Variants in FAM86B1 observed in about 807,000 individuals in gnomAD.
The protein encoded by FAM86B1 is family with sequence similarity 86 member B1 (gene/pseudogene).
For missense variants in FAM86B1, 13 were observed against 328.1 expected, an observed-to-expected ratio of 0.04 and a Z score of 7.42; for synonymous variants, 4 against 137.6, an observed-to-expected ratio of 0.03 and a Z score of 6.79.
intron 1 of FAM86B1, among the ~76,000 whole-genome samples, chr8:12,193,374 G>A (rs1300245234): frequency 3.5e-5 from 5 of 141,978 alleles, no homozygotes; most frequent in Admixed American, 2.0e-4. Flanking sequence ...AATGGAACGG[G>A]GTGCATTAAG....
intron 3 of FAM86B1, chr8:12,188,056 G>C (rs1334288590): frequency 1.2e-6 from 1 of 867,688 alleles, no homozygotes; most frequent in East Asian, 3.3e-5. Context: ...GGGGGAGGAG[G>C]GTGCCTTTCT....
At position 12,183,124 on chromosome 8, in the gene FAM86B1, AGG is replaced by A. The variant is rs1563184613; in HGVS notation, c.*480_*481del. The A allele has an allele frequency of 1.4e-4, 31 of 229,132 alleles. No individual in the cohort carries two copies. The highest frequency in any genetic ancestry group is 8.0e-4 in the African/African-American group (29 of 36,230). 14.2% of individuals were successfully genotyped at this position (229,132 alleles called of 1,614,324 possible). A position where few individuals can be genotyped will look rare whatever the true frequency, so the allele number is the denominator to read the frequency against. On this transcript the variant is annotated 3_prime_UTR_variant, in exon 7 of 7. Coordinates refer to ENST00000448228, the MANE Select transcript of FAM86B1 (RefSeq NM_001083537.4). ...CAGCTGCAGCGGGCTTGGCTTTGTG[AGG>A]AACCGAGTGTGTCCAGGGATGTGGC... is the stretch of plus-strand genomic sequence containing the variant.
upstream of FAM86B1, chr8:12,194,922 C>G (rs1461417929): frequency 6.6e-6 from 1 of 151,464 alleles, no homozygotes; most frequent in Non-Finnish European, 1.4e-5. Flanking sequence ...TGAGGCAGGC[C>G]CAGGAGCGAG....
intron 1 of FAM86B1, among the ~76,000 whole-genome samples, chr8:12,193,173 T>C (rs1254954694): frequency 1.6e-3 from 235 of 144,344 alleles, no homozygotes; most frequent in Admixed American, 0.014. Flanking sequence ...ATGATGCTTT[T>C]ATGAAGGTTT....
chr8:12,194,293 C>T (rs1807484075), upstream of FAM86B1, among the ~76,000 whole-genome samples: 1 of 147,564 alleles, frequency 6.8e-6, no homozygotes, highest in Admixed American at 6.6e-5. Flanking sequence ...CGGGGCAGGT[C>T]CTGGGTAGAG....
At position 12,182,503 on chromosome 8, in the gene FAM86B1, C is replaced by G; in HGVS notation, c.*1103G>C. 2 of 1,421,396 alleles carry G rather than the reference C, an allele frequency of 1.4e-6. No homozygotes were observed. Among genetic ancestry groups the G allele is most frequent in the Non-Finnish European group, 1.9e-6 (2 of 1,043,140 alleles). 88.0% of individuals were successfully genotyped at this position (1,421,396 alleles called of 1,614,324 possible). On this transcript the variant is annotated 3_prime_UTR_variant, in exon 7 of 7. Transcript: ENST00000448228. ...GACTTGGGAGGGGTTGTTGTTGGGT[C>G]GGGGACCTGGGGTCATCCAAGTGGT...
rs1805201368 is a variant in FAM86B1, at chr8:12,183,161, GGGC to G, written c.*442_*444del. 1 of 102,548 alleles carries G rather than the reference GGGC, an allele frequency of 9.8e-6. No individual in the cohort carries two copies. The highest frequency in any genetic ancestry group is 1.2e-4 in the Admixed American group (1 of 8,356). 6.4% of individuals were successfully genotyped at this position (102,548 alleles called of 1,614,324 possible). ...TGTCCAGGGATGTGGCAGCTGCAGC[GGGC>G]TTGGCTTTGTGAGGAACCGAGTGTG... On this transcript the variant is annotated 3_prime_UTR_variant, in exon 7 of 7. Coordinates refer to ENST00000448228, the MANE Select transcript of FAM86B1 (RefSeq NM_001083537.4).
chr8:12,184,114 G>C lies in FAM86B1; in HGVS notation c.791-408C>G, dbSNP rs966350929. Reference sequence around the variant, plus strand: ...GGTTGAGGCTTATACTATGTGTGCTGCTTGGCACTGTTTTTTTCACTTAAA... The same window carrying C: ...GGTTGAGGCTTATACTATGTGTGCTCCTTGGCACTGTTTTTTTCACTTAAA... On this transcript the variant is annotated intron_variant, in intron 6 of 6. Coordinates refer to ENST00000448228, the MANE Select transcript of FAM86B1 (RefSeq NM_001083537.4). 3.5e-5 allele frequency among the ~76,000 whole-genome samples: 2 copies of C among 57,318 alleles called. 1 individual carries two copies. The highest frequency in any genetic ancestry group is 6.0e-5 in the Non-Finnish European group (2 of 33,548). 37.6% of individuals were successfully genotyped at this position (57,318 alleles called of 152,430 possible). A position where few individuals can be genotyped will look rare whatever the true frequency, so the allele number is the denominator to read the frequency against.
At position 12,182,463 on chromosome 8, in the gene FAM86B1, A is replaced by C. The variant is rs1489422243; in HGVS notation, c.*1143T>G. On this transcript the variant is annotated 3_prime_UTR_variant, in exon 7 of 7. Coordinates refer to ENST00000448228, the MANE Select transcript of FAM86B1 (RefSeq NM_001083537.4). The stretch of plus-strand genomic sequence containing the variant: ...GGGGTTGTGAAGGGTCTCAAGTCCA[A>C]GTGAGGGAGTTAGGGACTTGGGAGG... 1.6e-6 allele frequency: 2 copies of C among 1,261,032 alleles called. No homozygotes were observed. Among genetic ancestry groups the C allele is most frequent in the African/African-American group, 3.1e-5 (2 of 64,450 alleles). The allele number at this position is 1,261,032 out of a possible 1,614,324, so 78.1% of individuals were successfully genotyped here. A position where few individuals can be genotyped will look rare whatever the true frequency, so the allele number is the denominator to read the frequency against.
At chr8:12,194,242 TA>T (rs1807477286), upstream of FAM86B1, 4 of 972,088 alleles carry the variant, frequency 4.1e-6, no homozygotes, top group Admixed American at 2.2e-5. Context: ...AGATGAGCGT[TA>T]GGAGGGCGGG....
chr8:12,194,811 C>A (rs1807551836), upstream of FAM86B1: 2 of 151,120 alleles, frequency 1.3e-5, no homozygotes, highest in African/African-American at 5.3e-5. Context: ...TGGGGCGGGG[C>A]CGAGACGGAG....
At chr8:12,194,484 G>T (rs1405957292), upstream of FAM86B1, 1 of 342,398 alleles carries the variant, frequency 2.9e-6, no homozygotes, top group African/African-American at 2.7e-5. Context: ...GGGACCCAGA[G>T]CAGAGCCCAG....
In FAM86B1 at chr8:12,189,257, TATAAATAAATAAATAAATAA is replaced by T. The variant is rs777926231; in HGVS notation, c.240+531_240+550del. Among the ~76,000 whole-genome samples the T allele has an allele frequency of 3.4e-3, 280 of 82,490 alleles. 1 individual carries two copies. Among genetic ancestry groups the T allele is most frequent in the African/African-American group, 0.015 (258 of 17,290 alleles). 54.1% of individuals were successfully genotyped at this position (82,490 alleles called of 152,430 possible). Reference sequence around the variant, plus strand: ...GTGAGACTCTGTCTCAAAAAAAATATATAAATAAATAAATAAATAAATAAATAAATAAATAAATAAATAAG... The same window carrying T: ...GTGAGACTCTGTCTCAAAAAAAATATATAAATAAATAAATAAATAAATAAG... On this transcript the variant is annotated intron_variant, in intron 3 of 6. Coordinates refer to ENST00000448228, the MANE Select transcript of FAM86B1 (RefSeq NM_001083537.4).
rs1805237996 is a variant in FAM86B1, at chr8:12,183,342, A to C, written c.*264T>G. The C allele has an allele frequency of 1.8e-6, 1 of 541,176 alleles. No homozygotes were observed. The highest frequency in any genetic ancestry group is 1.9e-5 in the African/African-American group (1 of 52,482). 33.5% of individuals were successfully genotyped at this position (541,176 alleles called of 1,614,324 possible). ...TTGATACACACGTTTTTATTTGCAGAAAGAAAATGCTATTTTTGGAGCTAG... is the reference window on the plus strand; with the variant it reads ...TTGATACACACGTTTTTATTTGCAGCAAGAAAATGCTATTTTTGGAGCTAG... On this transcript the variant is annotated 3_prime_UTR_variant, in exon 7 of 7. Transcript: ENST00000448228.
chr8:12,192,858 C>T (rs1273398533), intron 1 of FAM86B1, among the ~76,000 whole-genome samples: 25 of 148,874 alleles, frequency 1.7e-4, no homozygotes, highest in African/African-American at 5.4e-4. Flanking sequence ...TTGTACTCAA[C>T]GCTGAGAACA....
intron 3 of FAM86B1, among the ~76,000 whole-genome samples, chr8:12,187,512 A>T (rs1585224305): frequency 5.3e-4 from 1 of 1,884 alleles, no homozygotes. Context: ...GGCGCCCACT[A>T]CCACACCCCG....
At position 12,185,388 on chromosome 8, in the gene FAM86B1, T is replaced by G; in HGVS notation, c.778A>C (p.Thr260Pro). 2 of 1,588,648 alleles carry G rather than the reference T, an allele frequency of 1.3e-6. No individual in the cohort carries two copies. Among genetic ancestry groups the G allele is most frequent in the Non-Finnish European group, 1.7e-6 (2 of 1,165,676 alleles). Residue 260 changes from threonine to proline, a missense_variant, in exon 6 of 7, where the codon ACC (threonine) becomes CCC (proline). Thr to Pro is a conservative substitution (Grantham distance 38). Transcript: ENST00000448228. The stretch of plus-strand genomic sequence containing the variant: ...CGTGGGGGTTCACCTAGCTCGGTGG[T>G]GAACAGCTGGCACGTCTCTGGGTTG... ...VRNPETCQLF[T>P]TELGRDGIRW...
chr8:12,191,029 G>T (rs571486529), intron 2 of FAM86B1, among the ~76,000 whole-genome samples: 3 of 146,452 alleles, frequency 2.0e-5, no homozygotes, highest in Non-Finnish European at 3.0e-5. Flanking sequence ...GTATTGCCCC[G>T]AAAGTCTTCC....
chr8:12,194,158 G>A, upstream of FAM86B1: 3 of 1,448,978 alleles, frequency 2.1e-6, no homozygotes, highest in Non-Finnish European at 2.8e-6. Context: ...GCAGAGCGCG[G>A]GGGCAGAGAG....
Sources: allele counts gnomAD v4.1 joint callset (sites outside exome capture counted in the v4.1 genomes callset), GRCh38; gene constraint gnomAD v4.1.1; transcripts MANE v1.5; gene names NCBI Gene and HGNC (gene_info 2026-07-23, HGNC 2026-07-21).